The following ATP13A5 variants were observed in gnomAD, a reference collection of about 807,000 sequenced individuals.
ATP13A5 encodes probable cation-transporting ATPase 13A5.
A neutral mutation model predicts 150.2 loss-of-function variants in ATP13A5; 149 were observed. The ratio of observed to expected loss-of-function variants is 0.99; its 90% confidence interval spans 0.87 to 1.14. The LOEUF (loss-of-function observed/expected upper bound fraction) is 1.14. ATP13A5 is among the 50% of genes most tolerant of loss of function. ATP13A5 has a pLI of 0.00. For synonymous variants in ATP13A5, 497 were observed against 522.2 expected, an observed-to-expected ratio of 0.95 and a Z score of 0.66; for missense variants, 1,383 against 1,449.3, an observed-to-expected ratio of 0.95 and a Z score of 0.74.
In ATP13A5 at chr3:193,354,200, C is replaced by G; in HGVS notation, c.537-4G>C. On this transcript the variant is annotated splice_region_variant and splice_polypyrimidine_tract_variant and intron_variant, in intron 5 of 29. Coordinates refer to ENST00000342358, the MANE Select transcript of ATP13A5 (RefSeq NM_198505.4). ...GTTGGGCCCACACACTAATCTTCTG[C>G]GGGAAATTGATCATCCATTAGTGTC... The G allele has an allele frequency of 6.2e-7, 1 of 1,609,044 alleles. No individual in the cohort carries two copies. Among genetic ancestry groups the G allele is most frequent in the Non-Finnish European group, 8.5e-7 (1 of 1,178,314 alleles).
At chr3:193,340,967 A>G (rs13319921) in intron 9 of ATP13A5, among the ~76,000 whole-genome samples, 19,090 of 152,126 alleles carry the variant, frequency 0.13, 1,424 homozygotes, top group Non-Finnish European at 0.16. Flanking sequence ...AACAAATCCA[A>G]ATCTCAGCTG....
intron 1 of ATP13A5, among the ~76,000 whole-genome samples, chr3:193,370,175 C>T (rs939563770): frequency 6.6e-6 from 1 of 152,144 alleles, no homozygotes; most frequent in African/African-American, 2.4e-5. Flanking sequence ...CCCTAACAGT[C>T]TTTTTCTAGG....
intron 27 of ATP13A5, among the ~76,000 whole-genome samples, chr3:193,280,887 ACCC>A (rs1193418258): frequency 1.3e-5 from 2 of 151,526 alleles, no homozygotes; most frequent in African/African-American, 2.4e-5. Context: ...TACTCCTCCC[ACCC>A]CCAACTCTCT....
At chr3:193,278,112 A>G (rs1445269202) in intron 28 of ATP13A5, among the ~76,000 whole-genome samples, 7 of 152,090 alleles carry the variant, frequency 4.6e-5, no homozygotes, top group African/African-American at 1.7e-4. Context: ...CCCTGGAATT[A>G]TTTATTTATG....
At chr3:193,279,585 T>C in intron 27 of ATP13A5, 131 bp from the exon 28 acceptor site, 1 of 670,298 alleles carries the variant, frequency 1.5e-6, no homozygotes, top group South Asian at 1.8e-5. Context: ...TATATCCTCA[T>C]ATGTTTTGAA....
intron 1 of ATP13A5, among the ~76,000 whole-genome samples, chr3:193,368,015 A>C: frequency 6.7e-6 from 1 of 148,536 alleles, no homozygotes; most frequent in Admixed American, 6.7e-5. Context: ...GGGGAGGGGA[A>C]GGGAGGGGAA....
chr3:193,306,018 G>A (rs945649177), intron 22 of ATP13A5, among the ~76,000 whole-genome samples: 3 of 152,016 alleles, frequency 2.0e-5, no homozygotes, highest in East Asian at 1.9e-4. Context: ...TTGGATGGAC[G>A]TTGGTTGGGG....
At chr3:193,305,719 C>T in intron 22 of ATP13A5, 51 bp from the exon 23 acceptor site, 1 of 1,446,578 alleles carries the variant, frequency 6.9e-7, no homozygotes, top group Non-Finnish European at 9.7e-7. Context: ...TTAGGCTTTA[C>T]CTCTTAAAAC....
chr3:193,360,181 AT>A (rs1712951336), intron 5 of ATP13A5, among the ~76,000 whole-genome samples: 1 of 152,302 alleles, frequency 6.6e-6, no homozygotes, highest in South Asian at 2.1e-4. Flanking sequence ...TCCTGGGACA[AT>A]TTACTTGCTC....
intron 10 of ATP13A5, among the ~76,000 whole-genome samples, 183 bp downstream of exon 10, chr3:193,334,746 T>C (rs139025855): frequency 0.013 from 1,917 of 152,066 alleles, 13 homozygotes; most frequent in Non-Finnish European, 0.021. Flanking sequence ...CATAGAAGGG[T>C]TTTACCAATA....
intron 25 of ATP13A5, among the ~76,000 whole-genome samples, chr3:193,297,608 G>A (rs936027562): frequency 1.4e-4 from 22 of 151,938 alleles, no homozygotes; most frequent in African/African-American, 5.3e-4. Flanking sequence ...TATGCTTCTG[G>A]TCTATCGTCA....
chr3:193,321,532 G>C (rs1253718600), intron 16 of ATP13A5, 149 bp downstream of exon 16: 1 of 772,116 alleles, frequency 1.3e-6, no homozygotes, highest in Non-Finnish European at 2.0e-6. Context: ...TTGGGAGGCT[G>C]AGGCAGGAGA....
intron 1 of ATP13A5, among the ~76,000 whole-genome samples, chr3:193,367,393 C>T (rs1433129940): frequency 6.6e-6 from 1 of 151,988 alleles, no homozygotes; most frequent in Non-Finnish European, 1.5e-5. Context: ...ACTTGTGATT[C>T]CTTTGAAATA....
rs557614842 is a variant in ATP13A5 at position 193,300,432 on chromosome 3, G to A, written c.2775+779C>T. On this transcript the variant is annotated intron_variant, in intron 24 of 29. Coordinates refer to ENST00000342358, the MANE Select transcript of ATP13A5 (RefSeq NM_198505.4). Reference sequence around the variant, plus strand: ...GTCCAGTTCTTGTTTCTTCCCACCAGGCTGCCTTTGAGCCCTCTGTGTGTG... The same window carrying A: ...GTCCAGTTCTTGTTTCTTCCCACCAAGCTGCCTTTGAGCCCTCTGTGTGTG... 2.6e-5 allele frequency among the ~76,000 whole-genome samples: 4 copies of A among 152,242 alleles called. No homozygotes were observed. In the South Asian group the frequency reaches 8.3e-4, roughly 32 times the overall value.
intron 11 of ATP13A5, 100 bp downstream of exon 11, chr3:193,333,650 A>C: frequency 8.3e-7 from 1 of 1,203,724 alleles, no homozygotes; most frequent in Non-Finnish European, 1.2e-6. Context: ...AATGATTCAC[A>C]GAATGATGGG....
At chr3:193,314,405 A>G (rs1718968828) in intron 18 of ATP13A5, 1 of 511,240 alleles carries the variant, frequency 2.0e-6, no homozygotes, top group Admixed American at 3.5e-5. Flanking sequence ...ATCCTGGTCC[A>G]TGTGTATTTC....
intron 28 of ATP13A5, among the ~76,000 whole-genome samples, chr3:193,277,205 T>G (rs1007062035): frequency 9.9e-5 from 15 of 152,164 alleles, no homozygotes; most frequent in African/African-American, 3.6e-4. Flanking sequence ...TATTTCCAAT[T>G]CTCCCAAAGC....
At chr3:193,368,241 T>C (rs1388611432) in intron 1 of ATP13A5, among the ~76,000 whole-genome samples, 7 of 152,162 alleles carry the variant, frequency 4.6e-5, no homozygotes, top group Non-Finnish European at 1.0e-4. Context: ...AGAAATTGAT[T>C]ACCTTGTAAT....
At chr3:193,315,124 A>G (rs1719001975) in intron 17 of ATP13A5, 28 bp from the exon 18 acceptor site, 13 of 1,609,118 alleles carry the variant, frequency 8.1e-6, no homozygotes, top group Non-Finnish European at 1.1e-5. Flanking sequence ...AATCAATATT[A>G]AAGTATATCT....
Sources: allele counts gnomAD v4.1 joint callset (sites outside exome capture counted in the v4.1 genomes callset), GRCh38; gene constraint gnomAD v4.1.1; transcripts MANE v1.5; gene names NCBI Gene and HGNC (gene_info 2026-07-23, HGNC 2026-07-21).